FAAH2: variants seen among roughly 807,000 people sequenced by gnomAD.
FAAH2 encodes the protein fatty-acid amide hydrolase 2.
A neutral mutation model predicts 36.9 loss-of-function variants in FAAH2; 60 were observed. The observed-to-expected ratio is 1.63, with a 90% CI of 1.32 to 2.02. FAAH2 has a LOEUF of 2.02. Among genes scored for constraint, FAAH2 ranks in the 30% most tolerant of loss-of-function variants. FAAH2 has a pLI of 0.00. For synonymous variants in FAAH2, 214 were observed against 143.8 expected, an observed-to-expected ratio of 1.49 and a Z score of -3.49; for missense variants, 689 against 397.5, an observed-to-expected ratio of 1.73 and a Z score of -6.23.
At chrX:57,454,952 C>A (rs1257895400) in intron 10 of FAAH2, among the ~76,000 whole-genome samples, 3 of 110,702 alleles carry the variant, frequency 2.7e-5, no homozygotes, top group Non-Finnish European at 5.7e-5. Context: ...ATACACAAAC[C>A]CCCTGTAGAT....
intron 10 of FAAH2, among the ~76,000 whole-genome samples, chrX:57,457,433 C>T (rs1257569170): frequency 1.8e-5 from 2 of 109,937 alleles, no homozygotes; most frequent in Non-Finnish European, 3.8e-5. Flanking sequence ...CAATATAGTA[C>T]TGGATGTGCT....
chrX:57,327,681 T>C (rs999180555), intron 3 of FAAH2, among the ~76,000 whole-genome samples: 55 of 111,928 alleles, frequency 4.9e-4, no homozygotes, highest in African/African-American at 8.1e-4. Flanking sequence ...CTGTGGTTTT[T>C]GGCTCCATCA....
chrX:57,243,122 A>AAAC, the FAAH2 span, among the ~76,000 whole-genome samples: 1 of 111,733 alleles, frequency 8.9e-6, no homozygotes, highest in Admixed American at 9.5e-5. Flanking sequence ...ATCACAGCAT[A>AAAC]AACAAAGCTG....
the FAAH2 span, among the ~76,000 whole-genome samples, chrX:57,154,542 G>A: frequency 9.1e-6 from 1 of 109,391 alleles, no homozygotes; most frequent in Non-Finnish European, 1.9e-5. Context: ...CAAAGTGTTG[G>A]GATTACAGTT....
the FAAH2 span, among the ~76,000 whole-genome samples, chrX:57,245,066 G>A: frequency 4.8e-3 from 533 of 110,843 alleles, 3 homozygotes; most frequent in African/African-American, 0.017. Context: ...CAAAAAAAAA[G>A]CAAACATTGC....
intron 7 of FAAH2, among the ~76,000 whole-genome samples, chrX:57,385,369 A>G (rs186430615): frequency 9.0e-6 from 1 of 110,965 alleles, no homozygotes; most frequent in East Asian, 2.8e-4. Context: ...TTCTGCCACC[A>G]TGAAAAAATG....
chrX:57,406,365 T>A (rs2055567213), intron 7 of FAAH2, among the ~76,000 whole-genome samples: 2 of 111,993 alleles, frequency 1.8e-5, no homozygotes, highest in South Asian at 7.4e-4. Context: ...GTCAGCAGGT[T>A]TTTATTTGGT....
At position 57,399,935 on chromosome X, in the gene FAAH2, T is replaced by C. The variant is rs1014950756; in HGVS notation, c.996+18906T>C. 2.7e-5 allele frequency among the ~76,000 whole-genome samples: 3 copies of C among 112,141 alleles called. 1 individual carries two copies. The highest frequency in any genetic ancestry group is 5.6e-5 in the Non-Finnish European group (3 of 53,246). On this transcript the variant is annotated intron_variant, in intron 7 of 10. Coordinates refer to ENST00000374900, the MANE Select transcript of FAAH2 (RefSeq NM_174912.4). ...TCCATTATCACTGACCACTGCATAA[T>C]ACGCTTTTTAAAGTCCTTTTTCTAC...
At chrX:57,485,016 G>A in intron 10 of FAAH2, among the ~76,000 whole-genome samples, 1 of 111,747 alleles carries the variant, frequency 8.9e-6, no homozygotes, top group Non-Finnish European at 1.9e-5. Context: ...ACTGGCCTGT[G>A]GTTATTGGGC....
At chrX:57,313,302 A>G (rs1226014712) in intron 3 of FAAH2, among the ~76,000 whole-genome samples, 2 of 110,208 alleles carry the variant, frequency 1.8e-5, no homozygotes, top group Non-Finnish European at 3.8e-5. Context: ...AGAGAGAATA[A>G]TCAACTTGGA....
In FAAH2 at chrX:57,488,975, G is replaced by C; in HGVS notation, c.*43G>C. On this transcript the variant is annotated 3_prime_UTR_variant, in exon 11 of 11. Transcript: ENST00000374900. ...TTAATGTGTGTGTGTGTTTGTGTTC[G>C]TGTGGTGGTGTTTCTATTAATTGGG... The C allele has an allele frequency of 8.8e-7, 1 of 1,135,019 alleles. No homozygotes were observed. Among genetic ancestry groups the C allele is most frequent in the African/African-American group, 1.8e-5 (1 of 55,180 alleles). 93.5% of individuals were successfully genotyped at this position (1,135,019 alleles called of 1,213,427 possible).
Position 57,455,990 on chromosome X carries a change from A to T in FAAH2, c.1423+7272A>T, listed in dbSNP as rs564818364. ...CTACAGAGTACTCCACACAACAACC[A>T]CAGAATATATATTTTTCTCATCCAT... On this transcript the variant is annotated intron_variant, in intron 10 of 10. Coordinates refer to ENST00000374900, the MANE Select transcript of FAAH2 (RefSeq NM_174912.4). Among the ~76,000 whole-genome samples, 8 of 111,757 alleles carry T rather than the reference A, an allele frequency of 7.2e-5. No homozygotes were observed. In the East Asian group the frequency reaches 1.7e-3, roughly 24 times the overall value.
intron 5 of FAAH2, among the ~76,000 whole-genome samples, chrX:57,358,481 C>T (rs928839748): frequency 9.0e-6 from 1 of 111,270 alleles, no homozygotes; most frequent in African/African-American, 3.3e-5. Flanking sequence ...AGCATAATGT[C>T]CTCAAGATGC....
At chrX:57,299,275 T>A (rs912349545) in intron 2 of FAAH2, among the ~76,000 whole-genome samples, 2 of 112,100 alleles carry the variant, frequency 1.8e-5, no homozygotes, top group African/African-American at 6.5e-5. Flanking sequence ...GTGGGGTTCA[T>A]CCCTGGGATG....
chrX:57,178,247 A>G, the FAAH2 span, among the ~76,000 whole-genome samples: 3 of 112,299 alleles, frequency 2.7e-5, no homozygotes, highest in African/African-American at 9.7e-5. Flanking sequence ...TACTGGGCAC[A>G]TGGACAGACT....
intron 7 of FAAH2, among the ~76,000 whole-genome samples, chrX:57,414,642 A>T (rs890935771): frequency 9.0e-6 from 1 of 111,169 alleles, no homozygotes; most frequent in Non-Finnish European, 1.9e-5. Flanking sequence ...GGATTTTTGC[A>T]TTGATATTAA....
chrX:57,373,070 C>G (rs1490523488), intron 5 of FAAH2, among the ~76,000 whole-genome samples: 1 of 111,578 alleles, frequency 9.0e-6, no homozygotes, highest in Non-Finnish European at 1.9e-5. Flanking sequence ...CTCTTTATGG[C>G]TGAGTAGTAG....
intron 10 of FAAH2, among the ~76,000 whole-genome samples, chrX:57,482,250 TGTGTCTCACTCAGGTTCCAG>T (rs1392377757): frequency 9.0e-6 from 1 of 111,308 alleles, no homozygotes; most frequent in African/African-American, 3.3e-5. Flanking sequence ...AGTGAACAGT[TGTGTCTCACTCAGGTTCCAG>T]GTGTCACTGG....
intron 5 of FAAH2, among the ~76,000 whole-genome samples, chrX:57,352,235 A>G (rs1311801525): frequency 2.0e-5 from 2 of 102,256 alleles, no homozygotes; most frequent in Non-Finnish European, 4.0e-5. Flanking sequence ...GCAAAGTTGA[A>G]TCTAACAACA....
Sources: allele counts gnomAD v4.1 joint callset (sites outside exome capture counted in the v4.1 genomes callset), GRCh38; gene constraint gnomAD v4.1.1; transcripts MANE v1.5; gene names NCBI Gene and HGNC (gene_info 2026-07-23, HGNC 2026-07-21).